The following ZNF600 variants were observed in gnomAD, a reference collection of about 807,000 sequenced individuals.
The protein encoded by ZNF600 is zinc finger protein KR-ZNF1.
In ZNF600, 4 loss-of-function variants were observed where a neutral mutation model predicts 7.3. That is an observed-to-expected ratio of 0.55 (90% CI 0.27 to 1.25). The LOEUF (loss-of-function observed/expected upper bound fraction) is 1.25, where lower values mean the gene tolerates loss of function less well. Ranked by LOEUF, ZNF600 falls within the 50% of genes most tolerant of loss-of-function variation. The pLI is 0.12. For synonymous variants in ZNF600, 290 were observed against 308.9 expected (o/e 0.94, Z 0.64); for missense variants, 911 against 922.1 (o/e 0.99, Z 0.16).
At chr19:52,830,058 G>A in the ZNF600 span, among the ~76,000 whole-genome samples, 1 of 152,108 alleles carries the variant, frequency 6.6e-6, no homozygotes, top group Non-Finnish European at 1.5e-5. Flanking sequence ...TGGATCACCT[G>A]AAGTTGGGAG....
the ZNF600 span, among the ~76,000 whole-genome samples, chr19:52,832,323 C>T: frequency 1.6e-4 from 25 of 152,198 alleles, no homozygotes; most frequent in South Asian, 1.2e-3. Context: ...AGGCCGGGCA[C>T]GGTGGCTCAG....
At chr19:52,787,556 G>C (rs186796633), upstream of ZNF600, among the ~76,000 whole-genome samples, 27 of 150,114 alleles carry the variant, frequency 1.8e-4, no homozygotes, top group African/African-American at 6.1e-4. Flanking sequence ...ACAGGAGCCC[G>C]CCTAACCCAA....
chr19:52,799,700 T>C, the ZNF600 span: 1 of 1,552,692 alleles, frequency 6.4e-7, no homozygotes. Flanking sequence ...AAGGTTTCTC[T>C]CCACTATGAA....
the ZNF600 span, among the ~76,000 whole-genome samples, chr19:52,795,969 G>A: frequency 6.6e-6 from 1 of 152,064 alleles, no homozygotes; most frequent in East Asian, 1.9e-4. Flanking sequence ...CAGCCCTGGA[G>A]TTCGAGACCA....
chr19:52,788,930 C>T (rs1290614037), upstream of ZNF600, among the ~76,000 whole-genome samples: 1 of 152,208 alleles, frequency 6.6e-6, no homozygotes, highest in Non-Finnish European at 1.5e-5. Flanking sequence ...GTTTGAGCTC[C>T]ACTCAGGGCA....
At chr19:52,797,828 GA>G in the ZNF600 span, 1 of 152,022 alleles carries the variant, frequency 6.6e-6, no homozygotes, top group South Asian at 2.1e-4. Context: ...TTTTGTTAAA[GA>G]AACAAAAAAC....
chr19:52,772,551 T>TGTG (rs2062638553), intron 3 of ZNF600, among the ~76,000 whole-genome samples: 1 of 152,160 alleles, frequency 6.6e-6, no homozygotes, highest in African/African-American at 2.4e-5. Flanking sequence ...TGTGGTGAAC[T>TGTG]GAGATTGTGC....
the ZNF600 span, among the ~76,000 whole-genome samples, chr19:52,808,938 T>C: frequency 2.2e-3 from 328 of 152,338 alleles, 5 homozygotes; most frequent in African/African-American, 7.5e-3. Context: ...CAAAGGGTTG[T>C]CATTTGTCCC....
chr19:52,783,967 G>A (rs529933767), intron 1 of ZNF600, among the ~76,000 whole-genome samples: 10 of 152,194 alleles, frequency 6.6e-5, no homozygotes, highest in South Asian at 4.1e-4. Context: ...CCAGCTACTC[G>A]GGGGAAGTAT....
chr19:52,818,183 T>C, the ZNF600 span, among the ~76,000 whole-genome samples: 88,751 of 151,622 alleles, frequency 0.59, 27,173 homozygotes, highest in Non-Finnish European at 0.69. Flanking sequence ...ACAGGAAAAC[T>C]CCCACTCTAC....
chr19:52,785,633 C>G (rs777834680), intron 1 of ZNF600, among the ~76,000 whole-genome samples: 10 of 152,102 alleles, frequency 6.6e-5, no homozygotes, highest in Non-Finnish European at 1.3e-4. Context: ...TCTTATCTCT[C>G]CGTCTCCTCT....
chr19:52,805,645 A>AATAAATAAATAAATAAATAC, the ZNF600 span: 1 of 149,764 alleles, frequency 6.7e-6, no homozygotes, highest in Non-Finnish European at 1.5e-5. Context: ...TAATAATAAA[A>AATAAATAAATAAATAAATAC]ATAAATAAAT....
chr19:52,818,176 G>A, the ZNF600 span: 3 of 858,584 alleles, frequency 3.5e-6, no homozygotes, highest in Non-Finnish European at 1.7e-6. Flanking sequence ...AATTCCTACA[G>A]GAAAACTCCC....
chr19:52,816,080 G>C, the ZNF600 span, among the ~76,000 whole-genome samples: 98 of 147,580 alleles, frequency 6.6e-4, 21 homozygotes, highest in African/African-American at 2.5e-3. Flanking sequence ...ATAGTGGCTC[G>C]CCAGTGAGGC....
chr19:52,824,117 G>A, the ZNF600 span, among the ~76,000 whole-genome samples: 5 of 151,550 alleles, frequency 3.3e-5, no homozygotes, highest in African/African-American at 7.3e-5. Context: ...TATGGCCGGC[G>A]CAGTGGCTCA....
At position 52,780,359 on chromosome 19, in the gene ZNF600, A is replaced by T. The variant is rs147749379; in HGVS notation, c.-19-1452T>A. Among the ~76,000 whole-genome samples the T allele has an allele frequency of 3.7e-3, 560 of 152,270 alleles. 3 individuals are homozygous for T. Among genetic ancestry groups the T allele is most frequent in the African/African-American group, 0.012 (493 of 41,556 alleles). On this transcript the variant is annotated intron_variant, in intron 1 of 3. Transcript: ENST00000648973. Reference sequence around the variant, plus strand: ...ATCAGAACAAGGACCTAGGAAAGAAAGGCTGCTTGTCACTTGCAGCTGAGG... The same window carrying T: ...ATCAGAACAAGGACCTAGGAAAGAATGGCTGCTTGTCACTTGCAGCTGAGG...
intron 1 of ZNF600, among the ~76,000 whole-genome samples, chr19:52,782,327 C>T (rs1180096158): frequency 6.6e-6 from 1 of 151,886 alleles, no homozygotes; most frequent in Non-Finnish European, 1.5e-5. Flanking sequence ...AGTTCAAGAC[C>T]AGCCTGACCA....
At chr19:52,804,432 G>A in the ZNF600 span, among the ~76,000 whole-genome samples, 2 of 152,216 alleles carry the variant, frequency 1.3e-5, no homozygotes, top group African/African-American at 2.4e-5. Flanking sequence ...GTAGAGTAGC[G>A]TGATCTTGGC....
At chr19:52,769,351 C>CT (rs2062614450) in intron 3 of ZNF600, among the ~76,000 whole-genome samples, 1 of 152,154 alleles carries the variant, frequency 6.6e-6, no homozygotes, top group Non-Finnish European at 1.5e-5. Context: ...GCTCTGCCTT[C>CT]TAGATAACAG....
Sources: gnomAD v4.1 joint callset for allele counts (sites outside exome capture counted in the v4.1 genomes callset) on GRCh38, gnomAD v4.1.1 for gene constraint, MANE v1.5 for transcripts, NCBI Gene and HGNC (gene_info 2026-07-23, HGNC 2026-07-21) for gene names.